Variants in SLC15A5 observed in about 807,000 individuals in gnomAD.
SLC15A5 encodes the protein solute carrier family 15 member 5.
Under a neutral mutation model 56.1 loss-of-function variants are expected in SLC15A5, and 58 were observed. The ratio of observed to expected loss-of-function variants is 1.03; its 90% CI spans 0.84 to 1.29. SLC15A5 has a LOEUF of 1.29. SLC15A5 is among the 50% of genes most tolerant of loss of function. The pLI is 0.00. For synonymous variants in SLC15A5, 264 were observed against 250.5 expected (o/e 1.05, Z -0.51); for missense variants, 681 against 672.1 (o/e 1.01, Z -0.15).
At chr12:16,224,229 T>G (rs1473436828) in intron 6 of SLC15A5, among the ~76,000 whole-genome samples, 185 bp downstream of exon 6, 1 of 152,206 alleles carries the variant, frequency 6.6e-6, no homozygotes, top group Non-Finnish European at 1.5e-5. Context: ...GTTCTGTGCA[T>G]GGCAGAGGAA....
chr12:16,208,633 C>G (rs1490635845), intron 7 of SLC15A5, among the ~76,000 whole-genome samples: 2 of 152,178 alleles, frequency 1.3e-5, no homozygotes, highest in African/African-American at 4.8e-5. Context: ...TGCCACTGCA[C>G]TCCAGCCTGG....
intron 5 of SLC15A5, among the ~76,000 whole-genome samples, chr12:16,228,985 T>A (rs1864269724): frequency 6.6e-6 from 1 of 152,198 alleles, no homozygotes; most frequent in African/African-American, 2.4e-5. Context: ...CAACTGCGTA[T>A]TATAAATCAA....
rs78267953 is a variant in SLC15A5, at chr12:16,195,263, G to A, written c.1484-810C>T. 1.4e-3 allele frequency among the ~76,000 whole-genome samples: 213 copies of A among 151,904 alleles called. 3 individuals are homozygous for A. The East Asian group carries it at 0.033, about 23-fold the overall frequency. ...TGCCTCTGTCTCTATCTCTATCCAC[G>A]TACATACTTTTTATTTCTTCAGTAA... On this transcript the variant is annotated intron_variant, in intron 7 of 8. Coordinates refer to ENST00000344941, the MANE Select transcript of SLC15A5 (RefSeq NM_001170798.1).
At chr12:16,215,307 T>C (rs1022357131) in intron 7 of SLC15A5, among the ~76,000 whole-genome samples, 2 of 150,994 alleles carry the variant, frequency 1.3e-5, no homozygotes, top group Non-Finnish European at 2.9e-5. Context: ...TAAGCCTGCA[T>C]ATGAAACATT....
chr12:16,200,929 A>G (rs1233535243), intron 7 of SLC15A5, among the ~76,000 whole-genome samples: 7 of 152,156 alleles, frequency 4.6e-5, no homozygotes, highest in South Asian at 2.1e-4. Context: ...TTTAGATTTA[A>G]TAGTTCTAAG....
intron 7 of SLC15A5, among the ~76,000 whole-genome samples, chr12:16,214,040 G>A (rs1474587022): frequency 1.3e-5 from 2 of 152,168 alleles, no homozygotes; most frequent in Non-Finnish European, 2.9e-5. Context: ...GTTTCAGAAT[G>A]CTGAGAGGAT....
chr12:16,231,699 C>G (rs1256079940), intron 5 of SLC15A5, among the ~76,000 whole-genome samples: 1 of 152,176 alleles, frequency 6.6e-6, no homozygotes, highest in Non-Finnish European at 1.5e-5. Context: ...CTGGAGATTA[C>G]TTTTCAGAAT....
chr12:16,273,606 T>C (rs1389813788), intron 1 of SLC15A5, among the ~76,000 whole-genome samples: 3 of 152,070 alleles, frequency 2.0e-5, no homozygotes, highest in South Asian at 4.1e-4. Context: ...TGTGAGTGGA[T>C]AGATTTTCTT....
chr12:16,257,679 A>G (rs1055234334), intron 3 of SLC15A5, 22 bp downstream of exon 3: 6 of 1,417,138 alleles, frequency 4.2e-6, no homozygotes, highest in Admixed American at 3.1e-5. Context: ...CCAGAAATCA[A>G]TGTAACGCAT....
intron 1 of SLC15A5, among the ~76,000 whole-genome samples, chr12:16,276,470 G>A (rs1014373140): frequency 6.6e-6 from 1 of 151,858 alleles, no homozygotes; most frequent in Non-Finnish European, 1.5e-5. Context: ...CTTTTCACTT[G>A]TTCTCTCCTG....
At chr12:16,197,974 A>G (rs1565655590) in intron 7 of SLC15A5, among the ~76,000 whole-genome samples, 1 of 152,128 alleles carries the variant, frequency 6.6e-6, no homozygotes, top group Non-Finnish European at 1.5e-5. Context: ...GAGGTCTAGA[A>G]TGAGGCTAAC....
At chr12:16,251,787 T>C (rs1057211888) in intron 3 of SLC15A5, among the ~76,000 whole-genome samples, 4 of 12,228 alleles carry the variant, frequency 3.3e-4, no homozygotes, top group Non-Finnish European at 5.9e-4. Flanking sequence ...TTCCAAAGAC[T>C]CTAAAAAGAG....
chr12:16,193,669 G>A (rs377108403), intron 8 of SLC15A5, among the ~76,000 whole-genome samples: 14 of 151,802 alleles, frequency 9.2e-5, no homozygotes, highest in African/African-American at 2.2e-4. Context: ...ATCAATATTC[G>A]TCCCCGTAAA....
chr12:16,270,715 T>A (rs2136822858), intron 2 of SLC15A5, among the ~76,000 whole-genome samples: 1 of 152,306 alleles, frequency 6.6e-6, no homozygotes, highest in East Asian at 1.9e-4. Context: ...AACTCCTAAG[T>A]GACAGAGCCA....
chr12:16,193,909 C>G (rs942572017), intron 8 of SLC15A5, among the ~76,000 whole-genome samples: 1 of 113,838 alleles, frequency 8.8e-6, no homozygotes, highest in Non-Finnish European at 1.9e-5. Flanking sequence ...AGGTGACAAG[C>G]TAAGGGATTT....
At chr12:16,265,658 T>A (rs1398178600) in intron 2 of SLC15A5, among the ~76,000 whole-genome samples, 2 of 151,998 alleles carry the variant, frequency 1.3e-5, no homozygotes, top group Non-Finnish European at 1.5e-5. Context: ...TTTTTTTGTA[T>A]TTTTTGTAGA....
At chr12:16,205,610 CATAT>C (rs1220526117) in intron 7 of SLC15A5, among the ~76,000 whole-genome samples, 2 of 105,740 alleles carry the variant, frequency 1.9e-5, no homozygotes, top group African/African-American at 6.7e-5. Context: ...CACACACACA[CATAT>C]ATATACACAT....
chr12:16,199,702 C>G (rs1292317116), intron 7 of SLC15A5, among the ~76,000 whole-genome samples: 4 of 151,992 alleles, frequency 2.6e-5, no homozygotes, highest in Non-Finnish European at 4.4e-5. Context: ...AATGATCACA[C>G]GTATCTTGAA....
At position 16,224,445 on chromosome 12, in the gene SLC15A5, A is replaced by G. The variant is rs749286265; in HGVS notation, c.1320T>C (p.Leu440=). 2.0e-6 allele frequency: 3 copies of G among 1,537,272 alleles called. No individual in the cohort carries two copies. The highest frequency in any genetic ancestry group is 2.6e-6 in the Non-Finnish European group (3 of 1,146,882). Residue 440 remains leucine (L), a synonymous_variant, in exon 6 of 9, where the codon CTT becomes CTC. Coordinates refer to ENST00000344941, the MANE Select transcript of SLC15A5 (RefSeq NM_001170798.1). The part of the protein sequence containing the change: ...CFYLILQYVL[L]GVAETLVNPA... ...GGTTTACCAGTGTTTCCGCCACTCC[A>G]AGTAAAACATACTGAAGAATCAGGT...
Sources: allele counts gnomAD v4.1 joint callset (sites outside exome capture counted in the v4.1 genomes callset), GRCh38; gene constraint gnomAD v4.1.1; transcripts MANE v1.5; gene names NCBI Gene and HGNC (gene_info 2026-07-23, HGNC 2026-07-21).